The following GUCD1 variants were observed in gnomAD, a reference collection of about 807,000 sequenced individuals.
GUCD1 encodes the protein protein GUCD1.
GUCD1 carries 17 observed loss-of-function variants against 28.3 expected under a neutral mutation model. The ratio of observed to expected loss-of-function variants is 0.60; its 90% CI spans 0.41 to 0.90. The LOEUF (loss-of-function observed/expected upper bound fraction) is 0.90. Among genes scored for constraint, GUCD1 ranks in the 40% least tolerant of loss-of-function variants. GUCD1 has a pLI of 0.00. For missense variants in GUCD1, 279 were observed against 305.5 expected, an observed-to-expected ratio of 0.91 and a Z score of 0.65; for synonymous variants, 129 against 123.3, an observed-to-expected ratio of 1.05 and a Z score of -0.30.
intron 4 of GUCD1, 94 bp from the exon 5 acceptor site, chr22:24,544,177 G>C (rs1393594829): frequency 6.6e-7 from 1 of 1,517,578 alleles, no homozygotes; most frequent in Non-Finnish European, 8.9e-7. Flanking sequence ...CTGTTACAAA[G>C]CTTGGGGATC....
chr22:24,550,121 CTGCTGGCTGGCTG>C (rs1156370631), intron 1 of GUCD1, among the ~76,000 whole-genome samples: 1 of 152,268 alleles, frequency 6.6e-6, no homozygotes, highest in Non-Finnish European at 1.5e-5. Flanking sequence ...AACTGTGCCA[CTGCTGGCTGGCTG>C]TGGGCTGGGC....
chr22:24,554,860 C>A, intron 1 of GUCD1, 89 bp downstream of exon 1: 1 of 1,070,590 alleles, frequency 9.3e-7, no homozygotes, highest in Non-Finnish European at 1.4e-6. Flanking sequence ...GGAGTCGGCC[C>A]AAGGTCGCGC....
chr22:24,550,611 T>A (rs2044846536), intron 1 of GUCD1, among the ~76,000 whole-genome samples: 1 of 152,228 alleles, frequency 6.6e-6, no homozygotes, highest in Non-Finnish European at 1.5e-5. Context: ...CAGCTCTGTG[T>A]AGAGCCACCC....
upstream of GUCD1, chr22:24,555,591 A>T: frequency 6.5e-7 from 1 of 1,549,088 alleles, no homozygotes; most frequent in South Asian, 1.2e-5. Flanking sequence ...CCAGATACCT[A>T]GCCTCACTCA....
intron 4 of GUCD1, among the ~76,000 whole-genome samples, chr22:24,545,448 T>C (rs990566755): frequency 3.3e-5 from 5 of 151,860 alleles, no homozygotes; most frequent in African/African-American, 4.8e-5. Flanking sequence ...TGGGTGTCTC[T>C]CTCCTCCTCA....
intron 5 of GUCD1, 44 bp from the exon 6 acceptor site, chr22:24,543,141 G>T: frequency 1.4e-6 from 2 of 1,392,004 alleles, no homozygotes; most frequent in Non-Finnish European, 2.0e-6. Context: ...TGGGTTGTGA[G>T]AGAGCACCTA....
intron 4 of GUCD1, among the ~76,000 whole-genome samples, chr22:24,546,073 T>C (rs2044718774): frequency 6.6e-6 from 1 of 152,020 alleles, no homozygotes; most frequent in Non-Finnish European, 1.5e-5. Flanking sequence ...GCCATTCTCC[T>C]GCCTCAGCCT....
At chr22:24,555,645 G>C, upstream of GUCD1, 2 of 1,550,670 alleles carry the variant, frequency 1.3e-6, no homozygotes, top group Non-Finnish European at 1.7e-6. Context: ...AAATGAAATT[G>C]TGACGGGAAG....
intron 4 of GUCD1, among the ~76,000 whole-genome samples, chr22:24,545,014 C>A (rs9612652): frequency 6.6e-6 from 1 of 150,800 alleles, no homozygotes; most frequent in Admixed American, 6.6e-5. Context: ...AGATTAAGAC[C>A]CTGTCTCTTA....
At chr22:24,555,688 C>G, upstream of GUCD1, 1 of 1,550,686 alleles carries the variant, frequency 6.4e-7, no homozygotes, top group Non-Finnish European at 8.7e-7. Flanking sequence ...CTGCTGTCCC[C>G]GGTCTGAGGG....
intron 1 of GUCD1, among the ~76,000 whole-genome samples, chr22:24,552,169 T>G (rs946791486): frequency 9.9e-5 from 15 of 152,256 alleles, no homozygotes; most frequent in African/African-American, 3.6e-4. Flanking sequence ...TCCAGAACTG[T>G]GAAGAATTAA....
At chr22:24,547,410 C>G (rs575626847) in intron 3 of GUCD1, 1 of 203,324 alleles carries the variant, frequency 4.9e-6, no homozygotes, top group East Asian at 1.2e-4. Flanking sequence ...ACGGAACACA[C>G]TTTGCTGGCA....
In GUCD1 at chr22:24,542,989, G is replaced by T; in HGVS notation, c.*17C>A. ...GGGGATGGGGTCCGAGGGCCTAGGC[G>T]CACCAGGCTCCTGCTGTCAGCTGTC... On this transcript the variant is annotated 3_prime_UTR_variant, in exon 6 of 6. Coordinates refer to ENST00000435822, the MANE Select transcript of GUCD1 (RefSeq NM_001284254.2). The T allele has an allele frequency of 1.3e-6, 2 of 1,588,648 alleles. No individual in the cohort carries two copies. The highest frequency in any genetic ancestry group is 1.7e-6 in the Non-Finnish European group (2 of 1,157,018).
chr22:24,554,198 TTCC>T (rs980710835), intron 1 of GUCD1, among the ~76,000 whole-genome samples: 10 of 152,344 alleles, frequency 6.6e-5, no homozygotes, highest in African/African-American at 2.2e-4. Flanking sequence ...ATGTAAGCCA[TTCC>T]TCCTCTGAGG....
rs145930109 is a variant in GUCD1 at position 24,544,010 on chromosome 22, C to A, written c.460G>T (p.Val154Leu). Residue 154 changes from valine (V) to leucine (L), a missense_variant, in exon 5 of 6, where the codon GTG (valine) becomes TTG (leucine). Physicochemically the swap from Val to Leu is conservative, Grantham distance 32. Transcript: ENST00000435822. The stretch of plus-strand genomic sequence containing the variant: ...CTGGAGCACAGGTCACAGTGCAGCA[C>A]CCCCGAGTTCACCAGCACGATGGCC... ...HVAIVLVNSG[V>L]LHCDLCSSPV... The A allele has an allele frequency of 4.6e-5, 75 of 1,613,986 alleles. No homozygotes were observed. The highest frequency in any genetic ancestry group is 1.2e-4 in the Admixed American group (7 of 60,002).
chr22:24,555,208 C>G (rs1053261756), upstream of GUCD1: 20 of 1,308,760 alleles, frequency 1.5e-5, 1 homozygote, highest in Middle Eastern at 5.8e-4. Context: ...TCCTTAGGCC[C>G]CGCCCCAAAC....
At chr22:24,549,309 C>G (rs377451871) in intron 1 of GUCD1, among the ~76,000 whole-genome samples, 1 of 152,292 alleles carries the variant, frequency 6.6e-6, no homozygotes, top group African/African-American at 2.4e-5. Flanking sequence ...TTGTCATAAT[C>G]CCTCACACCC....
intron 2 of GUCD1, 32 bp from the exon 3 acceptor site, chr22:24,548,105 G>A (rs774358364): frequency 5.6e-6 from 9 of 1,594,392 alleles, no homozygotes; most frequent in Non-Finnish European, 7.7e-6. Flanking sequence ...AGCTCAGCTT[G>A]GTCTTGAGGG....
chr22:24,549,876 C>G (rs1020068141), intron 1 of GUCD1, among the ~76,000 whole-genome samples: 2 of 152,190 alleles, frequency 1.3e-5, no homozygotes, highest in African/African-American at 4.8e-5. Context: ...GGGAGGCACT[C>G]AGCAGATAAT....
Sources: allele counts gnomAD v4.1 joint callset (sites outside exome capture counted in the v4.1 genomes callset), GRCh38; gene constraint gnomAD v4.1.1; transcripts MANE v1.5; gene names NCBI Gene and HGNC (gene_info 2026-07-23, HGNC 2026-07-21).